ATP13A4: variants seen among roughly 807,000 people sequenced by gnomAD.
ATP13A4 encodes the protein ATPase 13A4.
ATP13A4 carries 114 observed loss-of-function variants against 142.5 expected under a neutral mutation model. The observed-to-expected ratio is 0.80, with a 90% CI of 0.69 to 0.93. The LOEUF (loss-of-function observed/expected upper bound fraction) is 0.93. ATP13A4 is among the 40% of genes least tolerant of loss of function. ATP13A4 has a pLI of 0.00. For missense variants in ATP13A4, 1,392 were observed against 1,454.0 expected, an observed-to-expected ratio of 0.96 and a Z score of 0.69; for synonymous variants, 488 against 514.8, an observed-to-expected ratio of 0.95 and a Z score of 0.70.
intron 1 of ATP13A4, among the ~76,000 whole-genome samples, chr3:193,587,253 G>T (rs1046047859): frequency 7.9e-5 from 12 of 152,192 alleles, no homozygotes; most frequent in African/African-American, 2.9e-4. Flanking sequence ...CTAAAATCAA[G>T]GTGCTAGCAG....
At chr3:193,565,648 C>A (rs1439436565) in intron 2 of ATP13A4, among the ~76,000 whole-genome samples, 1 of 152,156 alleles carries the variant, frequency 6.6e-6, no homozygotes, top group East Asian at 1.9e-4. Context: ...CCCAGTGGTC[C>A]CAGTCTAGCC....
At chr3:193,490,744 A>G (rs1719898716) in intron 6 of ATP13A4, among the ~76,000 whole-genome samples, 1 of 152,160 alleles carries the variant, frequency 6.6e-6, no homozygotes, top group Admixed American at 6.5e-5. Flanking sequence ...TTTTGAAAGT[A>G]CCTGAAGTTT....
chr3:193,494,872 GA>G (rs1273110407), intron 3 of ATP13A4, among the ~76,000 whole-genome samples: 3 of 150,918 alleles, frequency 2.0e-5, no homozygotes, highest in Non-Finnish European at 4.4e-5. Flanking sequence ...TCAGACTAAA[GA>G]AAAAAAGGGT....
At chr3:193,461,096 C>A (rs1028129596) in intron 13 of ATP13A4, among the ~76,000 whole-genome samples, 1 of 151,518 alleles carries the variant, frequency 6.6e-6, no homozygotes, top group Non-Finnish European at 1.5e-5. Context: ...GGCAGCAAGG[C>A]AGGAAGGAAG....
intron 29 of ATP13A4, among the ~76,000 whole-genome samples, chr3:193,406,788 C>T (rs935351889): frequency 1.3e-5 from 2 of 152,094 alleles, no homozygotes; most frequent in Non-Finnish European, 2.9e-5. Context: ...TATGAAATGT[C>T]CAGAAAAGTC....
At position 193,465,006 on chromosome 3, in the gene ATP13A4, G is replaced by A. The variant is rs1245979525; in HGVS notation, c.1395C>T (p.Gly465=). Residue 465 remains glycine (G), a synonymous_variant, in exon 12 of 30, where the codon GGC becomes GGT. Coordinates refer to ENST00000342695, the MANE Select transcript of ATP13A4 (RefSeq NM_032279.4). ...TCCTCTGGGGGCTAATGCAGAAGAT[G>A]CCTCTCTTCTTCAGCCTCCTCTGGG... ...IYAQRRLKKR[G]IFCISPQRIN... is the part of the protein sequence containing the mutation. 1 of 1,614,036 alleles carries A rather than the reference G, an allele frequency of 6.2e-7. No homozygotes were observed. Among genetic ancestry groups the A allele is most frequent in the African/African-American group, 1.3e-5 (1 of 74,932 alleles).
At chr3:193,512,178 T>C (rs1233381449) in intron 2 of ATP13A4, among the ~76,000 whole-genome samples, 1 of 152,136 alleles carries the variant, frequency 6.6e-6, no homozygotes, top group Non-Finnish European at 1.5e-5. Flanking sequence ...GTTGAGGGCA[T>C]ACAGATGGAC....
intron 1 of ATP13A4, chr3:193,554,313 C>A (rs1723767411): frequency 4.0e-6 from 1 of 252,244 alleles, no homozygotes; most frequent in Non-Finnish European, 7.7e-6. Context: ...GTCAAAGACC[C>A]AGCTGCACTT....
At chr3:193,423,340 C>A (rs1024946721) in intron 25 of ATP13A4, among the ~76,000 whole-genome samples, 1 of 149,292 alleles carries the variant, frequency 6.7e-6, no homozygotes, top group African/African-American at 2.5e-5. Flanking sequence ...TGTAAAGGAG[C>A]AAATACTTCC....
chr3:193,431,280 T>C (rs1473738889), intron 25 of ATP13A4, among the ~76,000 whole-genome samples: 1 of 150,300 alleles, frequency 6.7e-6, no homozygotes, highest in Non-Finnish European at 1.5e-5. Flanking sequence ...ATATTGAATA[T>C]CAGATCTGGG....
intron 7 of ATP13A4, among the ~76,000 whole-genome samples, chr3:193,485,165 G>A (rs915829008): frequency 6.6e-6 from 1 of 151,796 alleles, no homozygotes; most frequent in Non-Finnish European, 1.5e-5. Flanking sequence ...GGAGAAATAA[G>A]TCAAAGCAAA....
intron 2 of ATP13A4, among the ~76,000 whole-genome samples, chr3:193,506,619 T>G (rs1344672785): frequency 6.6e-6 from 1 of 152,148 alleles, no homozygotes; most frequent in African/African-American, 2.4e-5. Context: ...CATCCAAATC[T>G]CCTCTTGAAT....
chr3:193,419,721 A>C (rs1487590669), intron 25 of ATP13A4, among the ~76,000 whole-genome samples: 1 of 150,052 alleles, frequency 6.7e-6, no homozygotes, highest in Admixed American at 6.8e-5. Flanking sequence ...CCCTTCCCCC[A>C]ACAGGAAAAA....
chr3:193,406,580 C>G (rs1714509354), intron 29 of ATP13A4, among the ~76,000 whole-genome samples: 1 of 152,128 alleles, frequency 6.6e-6, no homozygotes, highest in South Asian at 2.1e-4. Flanking sequence ...AAAGCAGGAG[C>G]ACAAGCTCAT....
At chr3:193,426,029 G>A (rs2886985) in intron 25 of ATP13A4, among the ~76,000 whole-genome samples, 112,503 of 151,536 alleles carry the variant, frequency 0.74, 41,973 homozygotes, top group Admixed American at 0.78. Context: ...TGTATCTTTT[G>A]AAAAGAAAAA....
intron 28 of ATP13A4, 69 bp downstream of exon 28, chr3:193,410,913 G>T: frequency 3.0e-6 from 3 of 1,007,476 alleles, no homozygotes; most frequent in Non-Finnish European, 3.1e-6. Context: ...TTGAAATTGT[G>T]ATCTGCTTTT....
chr3:193,412,937 T>C (rs765911706), intron 26 of ATP13A4, among the ~76,000 whole-genome samples: 2 of 152,112 alleles, frequency 1.3e-5, no homozygotes, highest in African/African-American at 4.8e-5. Context: ...GGCAGGATAA[T>C]TGCTTGAATC....
At chr3:193,419,527 G>T (rs543193083) in intron 25 of ATP13A4, among the ~76,000 whole-genome samples, 1 of 148,450 alleles carries the variant, frequency 6.7e-6, no homozygotes, top group South Asian at 2.1e-4. Flanking sequence ...GAACTGGTGT[G>T]TTGGCCAAGA....
At chr3:193,586,275 T>C (rs568273694) in intron 1 of ATP13A4, among the ~76,000 whole-genome samples, 1 of 152,266 alleles carries the variant, frequency 6.6e-6, no homozygotes, top group African/African-American at 2.4e-5. Flanking sequence ...TTCTTCCAAT[T>C]TGAGGTTTGC....
Sources: allele counts gnomAD v4.1 joint callset (sites outside exome capture counted in the v4.1 genomes callset), GRCh38; gene constraint gnomAD v4.1.1; transcripts MANE v1.5; gene names NCBI Gene and HGNC (gene_info 2026-07-23, HGNC 2026-07-21).